TMEM132C: variants seen among roughly 807,000 people sequenced by gnomAD.
The protein encoded by TMEM132C is protein phosphatase 1, regulatory subunit 152.
Under a neutral mutation model 61.4 loss-of-function variants are expected in TMEM132C, and 29 were observed. That is an observed-to-expected ratio of 0.47 (90% CI 0.35 to 0.64). TMEM132C has a LOEUF of 0.64. Ranked by LOEUF, TMEM132C falls within the 30% of genes least tolerant of loss-of-function variation. The pLI, the probability that TMEM132C is intolerant of heterozygous loss-of-function variation, is 0.00. For synonymous variants in TMEM132C, 656 were observed against 633.1 expected (o/e 1.04, Z -0.54); for missense variants, 1,408 against 1,476.9 (o/e 0.95, Z 0.76).
At chr12:128,408,661 A>T (rs1313141100) in intron 1 of TMEM132C, among the ~76,000 whole-genome samples, 1 of 152,208 alleles carries the variant, frequency 6.6e-6, no homozygotes, top group African/African-American at 2.4e-5. Context: ...CCTTTTGTGC[A>T]TGTTTTAAGC....
chr12:128,440,034 T>C (rs1869730949), intron 2 of TMEM132C, among the ~76,000 whole-genome samples: 2 of 152,196 alleles, frequency 1.3e-5, no homozygotes, highest in African/African-American at 4.8e-5. Context: ...TCTCTTTCTG[T>C]TTGGAGGTGT....
chr12:128,509,052 C>T (rs1467640992), intron 2 of TMEM132C, among the ~76,000 whole-genome samples: 6 of 152,242 alleles, frequency 3.9e-5, no homozygotes, highest in South Asian at 2.1e-4. Flanking sequence ...TTGGGGTGAA[C>T]GAGTGGGAAT....
intron 4 of TMEM132C, among the ~76,000 whole-genome samples, chr12:128,633,757 T>G (rs994634901): frequency 6.6e-6 from 1 of 152,206 alleles, no homozygotes; most frequent in Non-Finnish European, 1.5e-5. Context: ...AAACAGTTCT[T>G]GGCAAATATG....
At chr12:128,448,736 A>G (rs1379176593) in intron 2 of TMEM132C, among the ~76,000 whole-genome samples, 1 of 152,180 alleles carries the variant, frequency 6.6e-6, no homozygotes, top group Non-Finnish European at 1.5e-5. Context: ...GCCCTCTTTT[A>G]TAATCTACCA....
At chr12:128,545,085 G>A (rs1463740302) in intron 3 of TMEM132C, among the ~76,000 whole-genome samples, 1 of 152,216 alleles carries the variant, frequency 6.6e-6, no homozygotes, top group African/African-American at 2.4e-5. Context: ...GGTGAACAGA[G>A]CACCGAATAG....
intron 2 of TMEM132C, among the ~76,000 whole-genome samples, chr12:128,510,704 A>C (rs1872539716): frequency 6.6e-6 from 1 of 152,210 alleles, no homozygotes; most frequent in African/African-American, 2.4e-5. Flanking sequence ...AGAGGAAATA[A>C]GCCAAAATTG....
intron 3 of TMEM132C, among the ~76,000 whole-genome samples, chr12:128,594,355 T>G: frequency 8.0e-6 from 1 of 125,614 alleles, no homozygotes; most frequent in African/African-American, 3.0e-5. Flanking sequence ...TCTCCCCCCA[T>G]CCCCTGCCCC....
intron 1 of TMEM132C, among the ~76,000 whole-genome samples, chr12:128,403,660 G>C (rs185161604): frequency 6.6e-6 from 1 of 152,000 alleles, no homozygotes; most frequent in South Asian, 2.1e-4. Context: ...TCCCATCATC[G>C]ACATGAGAAT....
chr12:128,464,778 AAGAAAGAG>A (rs901613438), intron 2 of TMEM132C, among the ~76,000 whole-genome samples: 1 of 102,460 alleles, frequency 9.8e-6, no homozygotes, highest in Non-Finnish European at 2.0e-5. Context: ...GAAAGAAAGA[AAGAAAGAG>A]AGAAAGAGAG....
chr12:128,570,995 T>C lies in TMEM132C; in HGVS notation c.1121+26892T>C. On this transcript the variant is annotated intron_variant, in intron 3 of 8. Transcript: ENST00000435159. The surrounding 1 kb of genome is among the most constrained non-coding windows in gnomAD (Gnocchi z 4.7). ...TAGCAAGAAAGAAGAAAAGGATGGATGTCAGGGAAGCAACCAACAGTGGCT... is the reference window on the plus strand; with the variant it reads ...TAGCAAGAAAGAAGAAAAGGATGGACGTCAGGGAAGCAACCAACAGTGGCT... 6.6e-6 allele frequency among the ~76,000 whole-genome samples: 1 copy of C among 152,162 alleles called. No individual in the cohort carries two copies.
At chr12:128,371,632 G>A (rs1197373299) in intron 1 of TMEM132C, among the ~76,000 whole-genome samples, 1 of 152,174 alleles carries the variant, frequency 6.6e-6, no homozygotes, top group East Asian at 1.9e-4. Flanking sequence ...GAATGCAGTG[G>A]CACAATCGCA....
intron 1 of TMEM132C, among the ~76,000 whole-genome samples, chr12:128,366,490 G>T (rs1024317777): frequency 6.6e-5 from 10 of 152,278 alleles, no homozygotes; most frequent in African/African-American, 2.2e-4. Context: ...CCGGATCACA[G>T]AACTCTTTGA....
intron 1 of TMEM132C, among the ~76,000 whole-genome samples, chr12:128,341,451 C>T (rs1233055647): frequency 1.3e-5 from 2 of 152,164 alleles, no homozygotes; most frequent in Non-Finnish European, 2.9e-5. Flanking sequence ...TTTTATTTTA[C>T]TCGAATGGAT....
At chr12:128,295,696 A>G (rs1367577986) in intron 1 of TMEM132C, among the ~76,000 whole-genome samples, 1 of 151,950 alleles carries the variant, frequency 6.6e-6, no homozygotes, top group Non-Finnish European at 1.5e-5. Flanking sequence ...GAAAGAAGAA[A>G]AATAAGAGCC....
intron 2 of TMEM132C, among the ~76,000 whole-genome samples, chr12:128,449,702 G>T (rs1870117131): frequency 6.6e-6 from 1 of 152,180 alleles, no homozygotes. Context: ...AACTAATCAT[G>T]CTGTAAAGAA....
chr12:128,352,377 C>T (rs545352402), intron 1 of TMEM132C, among the ~76,000 whole-genome samples: 3 of 152,270 alleles, frequency 2.0e-5, no homozygotes, highest in South Asian at 2.1e-4. Flanking sequence ...GTCACAAGAA[C>T]GGCATGGGGA....
chr12:128,380,067 T>C (rs897122607), intron 1 of TMEM132C, among the ~76,000 whole-genome samples: 3 of 152,232 alleles, frequency 2.0e-5, no homozygotes, highest in African/African-American at 7.2e-5. Context: ...CTGTAAAATC[T>C]CCTTTCCTCA....
At chr12:128,704,664 C>T (rs1954824089) in intron 8 of TMEM132C, among the ~76,000 whole-genome samples, 1 of 152,184 alleles carries the variant, frequency 6.6e-6, no homozygotes, top group Non-Finnish European at 1.5e-5. Context: ...TGGATACAGA[C>T]AACAGCTGTA....
At chr12:128,575,512 G>A (rs1265048911) in intron 3 of TMEM132C, among the ~76,000 whole-genome samples, 1 of 152,106 alleles carries the variant, frequency 6.6e-6, no homozygotes, top group Non-Finnish European at 1.5e-5. Flanking sequence ...AAGGACATGT[G>A]TCAAATATTT....
Sources: gnomAD v4.1 joint callset for allele counts (sites outside exome capture counted in the v4.1 genomes callset) on GRCh38, gnomAD v4.1.1 for gene constraint, Gnocchi (gnomAD v3.1) non-coding constraint, MANE v1.5 for transcripts, NCBI Gene and HGNC (gene_info 2026-07-23, HGNC 2026-07-21) for gene names.